The following DNMT3A variants were observed in gnomAD, a reference collection of about 807,000 sequenced individuals.
DNMT3A encodes DNA methyltransferase 3 alpha.
A neutral mutation model predicts 117.6 loss-of-function variants in DNMT3A; 267 were observed. The ratio of observed to expected loss-of-function variants is 2.27; its 90% CI spans 2.05 to 2.51. The LOEUF (loss-of-function observed/expected upper bound fraction) is 2.51. DNMT3A is among the 30% of genes most tolerant of loss of function. The pLI, the probability that DNMT3A is intolerant of heterozygous loss-of-function variation, is 0.00. For missense variants in DNMT3A, 1,029 were observed against 1,260.2 expected, an observed-to-expected ratio of 0.82 and a Z score of 2.78; for synonymous variants, 432 against 474.8, an observed-to-expected ratio of 0.91 and a Z score of 1.17.
intron 4 of DNMT3A, among the ~76,000 whole-genome samples, chr2:25,276,713 A>G (rs1163203881): frequency 2.0e-5 from 3 of 151,722 alleles, no homozygotes; most frequent in Non-Finnish European, 2.9e-5. Flanking sequence ...CCCTCCTTCC[A>G]CCTGGGCCCC....
intron 6 of DNMT3A, among the ~76,000 whole-genome samples, chr2:25,268,673 C>CT (rs2030588325): frequency 1.3e-5 from 2 of 152,206 alleles, no homozygotes; most frequent in South Asian, 4.1e-4. Flanking sequence ...GCTCAGAAGC[C>CT]TGGTGAGAAT....
chr2:25,240,829 G>T, intron 17 of DNMT3A, 99 bp from the exon 18 acceptor site: 2 of 1,236,190 alleles, frequency 1.6e-6, no homozygotes, highest in Non-Finnish European at 2.3e-6. Flanking sequence ...GAAGTCCTTT[G>T]ACACGAAAGA....
chr2:25,240,721 A>T lies in DNMT3A; in HGVS notation c.2092T>A (p.Trp698Arg). ...RSVTQKHIQE[W>R]GPFDLVIGGS... ...CCAATCACCAGATCGAATGGGCCCC[A>T]CTCCTGGATCTGGGAGGATAAAGGC... Residue 698 changes from tryptophan to arginine, a missense_variant, in exon 18 of 23, where the codon TGG becomes AGG. By Grantham distance (101) the Trp-to-Arg change is moderately radical. Coordinates refer to ENST00000321117, the MANE Select transcript of DNMT3A (RefSeq NM_022552.5). The T allele has an allele frequency of 6.2e-7, 1 of 1,614,076 alleles. No homozygotes were observed. The highest frequency in any genetic ancestry group is 8.5e-7 in the Non-Finnish European group (1 of 1,180,004).
intron 10 of DNMT3A, 110 bp downstream of exon 10, chr2:25,246,510 G>A: frequency 6.7e-7 from 1 of 1,491,620 alleles, no homozygotes; most frequent in East Asian, 2.3e-5. Flanking sequence ...TGTTCCCACT[G>A]GGCCCCTCTG....
intron 2 of DNMT3A, among the ~76,000 whole-genome samples, chr2:25,312,959 A>C (rs72810080): frequency 1.3e-5 from 2 of 152,016 alleles, no homozygotes; most frequent in African/African-American, 4.8e-5. Flanking sequence ...CCCCAGCGCT[A>C]CTCAGGGGAA....
intron 6 of DNMT3A, among the ~76,000 whole-genome samples, chr2:25,259,095 T>G (rs1468547010): frequency 1.3e-5 from 2 of 152,248 alleles, no homozygotes; most frequent in African/African-American, 4.8e-5. Context: ...TGGTGTATGC[T>G]GGGAAGTCCC....
Position 25,246,319 on chromosome 2 carries a change from G to A in DNMT3A, c.1280-10C>T, listed in dbSNP as rs973558103. ...TAGGGATTCTTCTCTTCTGGAGGAG[G>A]AAAGCAGGTGCCAAGGTCAGTTACA... On this transcript the variant is annotated splice_polypyrimidine_tract_variant and intron_variant, in intron 10 of 22. Coordinates refer to ENST00000321117, the MANE Select transcript of DNMT3A (RefSeq NM_022552.5). The A allele has an allele frequency of 6.3e-7, 1 of 1,591,212 alleles. No individual in the cohort carries two copies. The highest frequency in any genetic ancestry group is 8.6e-7 in the Non-Finnish European group (1 of 1,167,294).
At chr2:25,287,732 C>CG (rs775823307) in intron 3 of DNMT3A, among the ~76,000 whole-genome samples, 91 of 151,226 alleles carry the variant, frequency 6.0e-4, no homozygotes, top group Non-Finnish European at 1.1e-3. Context: ...AGAGGACACC[C>CG]CCGCCCCCAA....
chr2:25,250,048 T>TA (rs1423625188), intron 6 of DNMT3A, among the ~76,000 whole-genome samples: 1 of 152,154 alleles, frequency 6.6e-6, no homozygotes, highest in East Asian at 1.9e-4. Context: ...CAGTCCTTTC[T>TA]AGGAGTTGCT....
intron 6 of DNMT3A, among the ~76,000 whole-genome samples, chr2:25,271,346 G>A (rs900747807): frequency 5.9e-5 from 9 of 152,194 alleles, no homozygotes; most frequent in South Asian, 2.1e-4. Context: ...GTGAAACTCC[G>A]TCTCAAAAAC....
rs373598556 is a variant in DNMT3A, at chr2:25,311,445, G to A, written c.72+2468C>T. On this transcript the variant is annotated intron_variant, in intron 2 of 22. Coordinates refer to ENST00000321117, the MANE Select transcript of DNMT3A (RefSeq NM_022552.5). The surrounding 1 kb of genome is among the most constrained non-coding windows in gnomAD (Gnocchi z 5.2). ...CAGCCCAGAGGTGCCGGGGAAGTGT[G>A]CCAGGTGAGCCAGCATGCGTGGTGT... 3.3e-5 allele frequency among the ~76,000 whole-genome samples: 5 copies of A among 152,202 alleles called. No individual in the cohort carries two copies. The East Asian group carries it at 7.7e-4, about 23-fold the overall frequency.
rs1280666294 is a variant in DNMT3A at position 25,252,154 on chromosome 2, C to A, written c.640-3902G>T. The A allele has an allele frequency of 9.7e-6, 15 of 1,552,322 alleles. No homozygotes were observed. The highest frequency in any genetic ancestry group is 1.2e-5 in the Non-Finnish European group (14 of 1,149,628). ...ATCCTCCCACCGGCCCTGCCGCCTC[C>A]CCGCCCCCGGTCTCCCCGGGGCTCC... On this transcript the variant is annotated intron_variant, in intron 6 of 22. Transcript: ENST00000321117. The surrounding 1 kb of genome is among the most constrained non-coding windows in gnomAD (Gnocchi z 5.5).
chr2:25,266,361 C>T (rs1327799353), intron 6 of DNMT3A, among the ~76,000 whole-genome samples: 3 of 152,184 alleles, frequency 2.0e-5, no homozygotes, highest in Admixed American at 6.5e-5. Context: ...TCTAAAACTG[C>T]TTCCCATACA....
chr2:25,267,951 G>A (rs2030509488), intron 6 of DNMT3A, among the ~76,000 whole-genome samples: 1 of 152,174 alleles, frequency 6.6e-6, no homozygotes, highest in Non-Finnish European at 1.5e-5. Context: ...TGGGGTACAG[G>A]GTAAGTGATG....
At position 25,331,178 on chromosome 2, in the gene DNMT3A, G is replaced by A. The variant is rs57286148; in HGVS notation, c.-178+10648C>T. On this transcript the variant is annotated intron_variant, in intron 1 of 22. Coordinates refer to ENST00000321117, the MANE Select transcript of DNMT3A (RefSeq NM_022552.5). ...GTGATCTTCCAATGACACGCAGCAA[G>A]GAGGTGGCAGGGGTGAGGTGAAACC... Among the ~76,000 whole-genome samples, 13 of 152,362 alleles carry A rather than the reference G, an allele frequency of 8.5e-5. No homozygotes were observed. The East Asian group carries it at 2.5e-3, about 29-fold the overall frequency.
chr2:25,250,207 A>G (rs1454043666), intron 6 of DNMT3A, among the ~76,000 whole-genome samples: 3 of 152,154 alleles, frequency 2.0e-5, no homozygotes, highest in African/African-American at 7.2e-5. Flanking sequence ...CAGGTTAAGA[A>G]CCTTTGTTTG....
rs1156521297 is a variant in DNMT3A at position 25,252,396 on chromosome 2, C to A, written c.640-4144G>T. On this transcript the variant is annotated intron_variant, in intron 6 of 22. Transcript: ENST00000321117. This position sits in a 1 kb window ranked among gnomAD's most constrained non-coding sequence, Gnocchi z 5.5. Reference sequence around the variant, plus strand: ...CTAGGACTCCAGGTCACGTGGGCCCCGCTGGAGGGCCTGGTTGGCTGCGAG... The same window carrying A: ...CTAGGACTCCAGGTCACGTGGGCCCAGCTGGAGGGCCTGGTTGGCTGCGAG... The A allele has an allele frequency of 7.5e-6, 4 of 536,876 alleles. No homozygotes were observed. The highest frequency in any genetic ancestry group is 1.2e-5 in the Non-Finnish European group (4 of 334,636). The allele number at this position is 536,876 out of a possible 1,614,324, so 33.3% of individuals were successfully genotyped here.
Position 25,246,172 on chromosome 2 carries a change from C to A in DNMT3A, c.1417G>T (p.Glu473Ter). Reference protein sequence around the residue: ...EKPKVKEIIDERTRERLVYEV... With the variant: ...EKPKVKEIID ...GCAGGCCAACTACCTCTTGTGCGCT[C>A]ATCAATAATCTCCTTGACCTTGGGC... is the stretch of plus-strand genomic sequence containing the variant. Residue 473 changes from glutamate (E) to a stop codon, truncating the protein, a stop_gained, in exon 11 of 23, where the codon GAG becomes TAG. Coordinates refer to ENST00000321117, the MANE Select transcript of DNMT3A (RefSeq NM_022552.5). LOFTEE classifies it high-confidence loss of function. 6.2e-7 allele frequency: 1 copy of A among 1,614,024 alleles called. No homozygotes were observed. The highest frequency in any genetic ancestry group is 8.5e-7 in the Non-Finnish European group (1 of 1,179,904).
rs1282795217 is a variant in DNMT3A at position 25,306,868 on chromosome 2, C to T, written c.73-6625G>A. On this transcript the variant is annotated intron_variant, in intron 2 of 22. Transcript: ENST00000321117. This position sits in a 1 kb window ranked among gnomAD's most constrained non-coding sequence, Gnocchi z 4.1. ...CAAGTACCTGATGCCATGCTGAGCC[C>T]AGACTGGAGTGTGCTACTGCTCTGC... Among the ~76,000 whole-genome samples the T allele has an allele frequency of 6.6e-6, 1 of 152,242 alleles. No homozygotes were observed. The highest frequency in any genetic ancestry group is 1.5e-5 in the Non-Finnish European group (1 of 68,046).
Sources: allele counts gnomAD v4.1 joint callset (sites outside exome capture counted in the v4.1 genomes callset), GRCh38; gene constraint gnomAD v4.1.1; non-coding constraint Gnocchi (gnomAD v3.1); transcripts MANE v1.5; gene names NCBI Gene and HGNC (gene_info 2026-07-23, HGNC 2026-07-21).